ZMYM3: variants seen among roughly 807,000 people sequenced by gnomAD.
ZMYM3 encodes zinc finger MYM-type containing 3, also known as zinc finger MYM-type protein 3.
ZMYM3 carries 6 observed loss-of-function variants against 94.2 expected under a neutral mutation model. The observed-to-expected ratio is 0.06, with a 90% CI of 0.03 to 0.13. The LOEUF (loss-of-function observed/expected upper bound fraction) is 0.13, where lower values mean the gene tolerates loss of function less well. Ranked by LOEUF, ZMYM3 falls within the 10% of genes least tolerant of loss-of-function variation. The pLI is 1.00. For missense variants in ZMYM3, 664 were observed against 1,132.6 expected, an observed-to-expected ratio of 0.59 and a Z score of 5.94; for synonymous variants, 420 against 426.5, an observed-to-expected ratio of 0.98 and a Z score of 0.19.
upstream of ZMYM3, chrX:71,254,568 T>G (rs1379921858): frequency 9.0e-6 from 1 of 110,744 alleles, no homozygotes; most frequent in East Asian, 2.9e-4. Context: ...CTCATTCAAA[T>G]GGTTCCCGGT....
At position 71,252,673 on chromosome X, in the gene ZMYM3, C is replaced by T; in HGVS notation, c.583G>A (p.Val195Met). ...ATTCCATCCCCCAGAGTCTCTCCCA[C>T]TGAAGGGCTAGGCGGGGCATTTGGG... ...QSPNAPPSPSVGETLGDGINS... is the reference protein window; with the variant it reads ...QSPNAPPSPSMGETLGDGINS... The change falls in exon 2 of 25, where the codon GTG (valine) becomes ATG (methionine). Residue 195 changes from valine (V) to methionine (M), a missense_variant. This residue lies in a region of ZMYM3 where 196 missense variants were observed against 190.8 expected (regional missense o/e 1.03). Transcript: ENST00000314425. The T allele has an allele frequency of 1.7e-6, 2 of 1,182,525 alleles. No homozygotes were observed. Among genetic ancestry groups the T allele is most frequent in the Non-Finnish European group, 2.3e-6 (2 of 882,670 alleles).
intron 21 of ZMYM3, among the ~76,000 whole-genome samples, chrX:71,243,457 G>C (rs1023493225): frequency 9.0e-6 from 1 of 111,582 alleles, no homozygotes; most frequent in Non-Finnish European, 1.9e-5. Context: ...TAGCAATGAA[G>C]ACTGCTCCTT....
rs1602366391 is a variant in ZMYM3 at position 71,250,515 on chromosome X, C to T, written c.990G>A (p.Leu330=). 8.3e-7 allele frequency: 1 copy of T among 1,211,410 alleles called. No individual in the cohort carries two copies. Among genetic ancestry groups the T allele is most frequent in the Non-Finnish European group, 1.1e-6 (1 of 895,240 alleles). Residue 330 remains leucine (L), a synonymous_variant, in exon 5 of 25, where the codon CTG becomes CTA. Coordinates refer to ENST00000314425, the MANE Select transcript of ZMYM3 (RefSeq NM_201599.3). The part of the protein sequence containing the change: ...KGQTAYQRKG[L]PQLFCSSSCL... ...AGGATGACGAGCAGAAGAGCTGAGG[C>T]AGCCCCTTGCGCTGATAGGCAGTCT...
At chrX:71,253,991 T>C (rs1412940642) in intron 1 of ZMYM3, 38 bp downstream of exon 1, 1 of 108,207 alleles carries the variant, frequency 9.2e-6, no homozygotes, top group Non-Finnish European at 1.9e-5. Context: ...AGATCCCGCT[T>C]GCAGGTTCGG....
intron 4 of ZMYM3, 44 bp downstream of exon 4, chrX:71,251,134 C>G: frequency 8.4e-7 from 1 of 1,186,934 alleles, no homozygotes; most frequent in East Asian, 3.0e-5. Flanking sequence ...GGACCTTTTC[C>G]ACACCCAGAA....
rs2030588104 is a variant in ZMYM3, at chrX:71,253,272, G to C, written c.-17C>G. On this transcript the variant is annotated splice_region_variant and 5_prime_UTR_variant, in exon 2 of 25. Coordinates refer to ENST00000314425, the MANE Select transcript of ZMYM3 (RefSeq NM_201599.3). ...GGGGTCCATGAGTATGGCTGGATATGTACTGCAGATTAGGAGTAGAAGAGG... is the reference window on the plus strand; with the variant it reads ...GGGGTCCATGAGTATGGCTGGATATCTACTGCAGATTAGGAGTAGAAGAGG... The C allele has an allele frequency of 8.8e-7, 1 of 1,136,394 alleles. No individual in the cohort carries two copies. The highest frequency in any genetic ancestry group is 1.2e-6 in the Non-Finnish European group (1 of 858,010). The allele number at this position is 1,136,394 out of a possible 1,213,427, so 93.7% of individuals were successfully genotyped here.
intron 1 of ZMYM3, 89 bp from the exon 2 acceptor site, chrX:71,253,363 C>T (rs1298249195): frequency 7.9e-6 from 6 of 763,676 alleles, no homozygotes; most frequent in South Asian, 7.2e-5. Context: ...CCCCATCATC[C>T]ACTTGGATTT....
At chrX:71,250,793 A>C in intron 4 of ZMYM3, 67 bp from the exon 5 acceptor site, 1 of 1,034,163 alleles carries the variant, frequency 9.7e-7, no homozygotes, top group Non-Finnish European at 1.3e-6. Flanking sequence ...CCCCTGACCA[A>C]CAGTTCAGTC....
rs763147588 is a variant in ZMYM3 at position 71,248,492 on chromosome X, G to A, written c.1770C>T (p.Ser590=). 1.7e-6 allele frequency: 2 copies of A among 1,211,288 alleles called. No homozygotes were observed. The highest frequency in any genetic ancestry group is 3.5e-5 in the South Asian group (2 of 56,784). The change falls in exon 10 of 25, where the codon AGC becomes AGT. Residue 590 remains serine (S), a synonymous_variant. Coordinates refer to ENST00000314425, the MANE Select transcript of ZMYM3 (RefSeq NM_201599.3). ...RTSPEGGIHL[S]CHYCHSLFSG... is the part of the protein sequence containing the mutation. ...TGAAGAGGCTGTGACAGTAGTGACA[G>A]CTCAGGTGAATGCCCCCCTCAGGGC...
At chrX:71,244,089 T>C in intron 20 of ZMYM3, 109 bp from the exon 21 acceptor site, 1 of 1,042,179 alleles carries the variant, frequency 9.6e-7, no homozygotes, top group Non-Finnish European at 1.3e-6. Flanking sequence ...GCCTAGCTCC[T>C]GAACAATTAC....
rs374159934 is a variant in ZMYM3 at position 71,252,684 on chromosome X, G to C, written c.572C>G (p.Pro191Arg). ...QGQPQSPNAP[P>R]SPSVGETLGD... is the part of the protein sequence containing the mutation. ...CAGAGTCTCTCCCACTGAAGGGCTAGGCGGGGCATTTGGGCTCTGTGGCTG... is the reference window on the plus strand; with the variant it reads ...CAGAGTCTCTCCCACTGAAGGGCTACGCGGGGCATTTGGGCTCTGTGGCTG... Residue 191 changes from proline (P) to arginine (R), a missense_variant, in exon 2 of 25, where the codon CCT becomes CGT. By Grantham distance (103) the Pro-to-Arg change is moderately radical. This residue lies in a region of ZMYM3 where 196 missense variants were observed against 190.8 expected (regional missense o/e 1.03). Transcript: ENST00000314425. 2 of 1,193,923 alleles carry C rather than the reference G, an allele frequency of 1.7e-6. No homozygotes were observed. The highest frequency in any genetic ancestry group is 2.3e-6 in the Non-Finnish European group (2 of 887,316).
chrX:71,248,429 G>A lies in ZMYM3; in HGVS notation c.1824+9C>T. Reference sequence around the variant, plus strand: ...TGTGGCAAGACGTGGGTGGGGGTGGGGCTCTTACCTGCCAGTCCAAGACCT... The same window carrying A: ...TGTGGCAAGACGTGGGTGGGGGTGGAGCTCTTACCTGCCAGTCCAAGACCT... On this transcript the variant is annotated intron_variant, in intron 10 of 24. Coordinates refer to ENST00000314425, the MANE Select transcript of ZMYM3 (RefSeq NM_201599.3). The A allele has an allele frequency of 8.3e-7, 1 of 1,207,772 alleles. No homozygotes were observed. Among genetic ancestry groups the A allele is most frequent in the Non-Finnish European group, 1.1e-6 (1 of 893,202 alleles).
In ZMYM3 at chrX:71,246,462, T is replaced by TGTG; in HGVS notation, c.2462_2463insCAC (p.Pro821_Pro822insThr). On this transcript the variant is annotated inframe_insertion, in exon 15 of 25. Coordinates refer to ENST00000314425, the MANE Select transcript of ZMYM3 (RefSeq NM_201599.3). Reference sequence around the variant, plus strand: ...TTTTGCGGGGTGTTGCTGGGGGTGGTGGGGGTGGAGGGGTGGGAGCAGTGG... The same window carrying TGTG: ...TTTTGCGGGGTGTTGCTGGGGGTGGTGTGGGGGGTGGAGGGGTGGGAGCAGTGG... 1.7e-5 allele frequency: 1 copy of TGTG among 57,932 alleles called. No individual in the cohort carries two copies. Among genetic ancestry groups the TGTG allele is most frequent in the Admixed American group, 3.6e-4 (1 of 2,791 alleles). 4.8% of individuals were successfully genotyped at this position (57,932 alleles called of 1,213,427 possible). A position where few individuals can be genotyped will look rare whatever the true frequency, so the allele number is the denominator to read the frequency against.
In ZMYM3 at chrX:71,246,479, G is replaced by GGGGGGGC; in HGVS notation, c.2445_2446insGCCCCCC (p.Pro816AlafsTer23). 1.5e-5 allele frequency: 5 copies of GGGGGGGC among 333,409 alleles called. No homozygotes were observed. The highest frequency in any genetic ancestry group is 9.9e-5 in the East Asian group (1 of 10,105). The allele number at this position is 333,409 out of a possible 1,213,427, so 27.5% of individuals were successfully genotyped here. On this transcript the variant is annotated frameshift_variant, in exon 15 of 25. Coordinates refer to ENST00000314425, the MANE Select transcript of ZMYM3 (RefSeq NM_201599.3). LOFTEE classifies it high-confidence loss of function. ...GGGGGTGGTGGGGGTGGAGGGGTGG[G>GGGGGGGC]AGCAGTGGGAGCTGATCGGGTCTTC... is the stretch of plus-strand genomic sequence containing the variant.
At chrX:71,247,255 G>T in intron 13 of ZMYM3, 90 bp downstream of exon 13, 1 of 945,858 alleles carries the variant, frequency 1.1e-6, no homozygotes, top group South Asian at 2.4e-5. Flanking sequence ...GGGGTGAGCT[G>T]AACGCAAGAG....
At chrX:71,252,493 C>G in intron 2 of ZMYM3, 96 bp downstream of exon 2, 5 of 935,765 alleles carry the variant, frequency 5.3e-6, no homozygotes, top group Non-Finnish European at 7.1e-6. Context: ...TATCTCTCCA[C>G]CCTCCTCCTC....
chrX:71,250,308 C>A (rs1381722870), intron 5 of ZMYM3, 105 bp from the exon 6 acceptor site: 2 of 1,089,945 alleles, frequency 1.8e-6, no homozygotes, highest in Middle Eastern at 3.0e-4. Context: ...AATACTCTGA[C>A]TCTCTCCCTA....
At position 71,240,765 on chromosome X, in the gene ZMYM3, G is replaced by A. The variant is rs2029910329; in HGVS notation, c.*151C>T. On this transcript the variant is annotated 3_prime_UTR_variant, in exon 25 of 25. Transcript: ENST00000314425. ...TGGTACGGAAGAAGATAAAAGCCAG[G>A]GTTCCTAGAGAAGGCAGGGAATGGG... 2.0e-5 allele frequency: 11 copies of A among 544,396 alleles called. No individual in the cohort carries two copies. Among genetic ancestry groups the A allele is most frequent in the Non-Finnish European group, 2.6e-5 (9 of 346,101 alleles). The allele number at this position is 544,396 out of a possible 1,213,427, so 44.9% of individuals were successfully genotyped here.
At chrX:71,246,796 T>G in intron 13 of ZMYM3, 104 bp from the exon 14 acceptor site, 5 of 786,787 alleles carry the variant, frequency 6.4e-6, no homozygotes, top group Non-Finnish European at 9.0e-6. Context: ...CAAATACAGA[T>G]GGGAACTTCT....
Sources: gnomAD v4.1 joint callset for allele counts (sites outside exome capture counted in the v4.1 genomes callset) on GRCh38, gnomAD v4.1.1 for gene constraint, gnomAD v4.1.1 regional missense constraint, MANE v1.5 for transcripts, NCBI Gene and HGNC (gene_info 2026-07-23, HGNC 2026-07-21) for gene names.